The following ATP11B variants were observed in gnomAD, a reference collection of about 807,000 sequenced individuals.
The protein encoded by ATP11B is ATPase phospholipid transporting 11B (putative), also known as phospholipid-transporting ATPase IF.
A neutral mutation model predicts 157.8 loss-of-function variants in ATP11B; 81 were observed. That is an observed-to-expected ratio of 0.51 (90% confidence interval 0.43 to 0.62). The LOEUF is 0.62. Ranked by LOEUF, ATP11B falls within the 20% of genes least tolerant of loss-of-function variation. The pLI is 0.00. For missense variants in ATP11B, 1,165 were observed against 1,402.2 expected (o/e 0.83, Z 2.70); for synonymous variants, 451 against 469.4 (o/e 0.96, Z 0.51).
chr3:182,839,232 G>A (rs1718803934), intron 7 of ATP11B, among the ~76,000 whole-genome samples: 1 of 152,164 alleles, frequency 6.6e-6, no homozygotes, highest in South Asian at 2.1e-4. Flanking sequence ...GCTAACTGGT[G>A]AGAACACATG....
chr3:182,873,774 A>C (rs1721834892), intron 18 of ATP11B, 38 bp from the exon 19 acceptor site: 3 of 1,532,060 alleles, frequency 2.0e-6, no homozygotes, highest in Admixed American at 3.3e-5. Flanking sequence ...CAGTCATAAA[A>C]GTATTCTCTA....
intron 7 of ATP11B, among the ~76,000 whole-genome samples, chr3:182,838,982 A>G (rs763354971): frequency 5.6e-4 from 86 of 152,318 alleles, no homozygotes; most frequent in Non-Finnish European, 8.2e-4. Flanking sequence ...ATATGATCCC[A>G]GTTATGTAAA....
intron 29 of ATP11B, 40 bp from the exon 30 acceptor site, chr3:182,917,983 G>T (rs749710457): frequency 6.2e-7 from 1 of 1,604,478 alleles, no homozygotes; most frequent in South Asian, 1.1e-5. Flanking sequence ...TTAAAACATA[G>T]GTCCTGGTGA....
At chr3:182,837,265 A>C (rs1718628183) in intron 7 of ATP11B, 91 bp downstream of exon 7, 1 of 933,548 alleles carries the variant, frequency 1.1e-6, no homozygotes, top group Admixed American at 2.9e-5. Flanking sequence ...ATCTTTAGCT[A>C]ATTGGAGACT....
At chr3:182,872,749 A>G (rs968266183) in intron 18 of ATP11B, among the ~76,000 whole-genome samples, 6 of 152,216 alleles carry the variant, frequency 3.9e-5, no homozygotes, top group African/African-American at 1.2e-4. Flanking sequence ...CTAGCTCTCT[A>G]TAGTTTTTTC....
chr3:182,837,048 AC>A, intron 6 of ATP11B, 22 bp from the exon 7 acceptor site: 1 of 1,569,820 alleles, frequency 6.4e-7, no homozygotes, highest in Non-Finnish European at 8.7e-7. Context: ...TGAAAACTCT[AC>A]AGTTTAATTC....
At chr3:182,895,894 G>A (rs143707109) in intron 25 of ATP11B, among the ~76,000 whole-genome samples, 2 of 152,216 alleles carry the variant, frequency 1.3e-5, no homozygotes, top group East Asian at 1.9e-4. Context: ...AGCAAGATAC[G>A]ATAGGGCTCT....
At chr3:182,867,508 C>A in intron 15 of ATP11B, 64 bp downstream of exon 15, 1 of 1,092,202 alleles carries the variant, frequency 9.2e-7, no homozygotes, top group Non-Finnish European at 1.4e-6. Flanking sequence ...GAATAAGGAT[C>A]AGTAAACTGT....
chr3:182,912,822 G>C (rs1724884930), intron 28 of ATP11B, among the ~76,000 whole-genome samples: 1 of 152,116 alleles, frequency 6.6e-6, no homozygotes. Context: ...GTGCAGCCCT[G>C]TATTTATTCT....
intron 29 of ATP11B, chr3:182,914,858 T>C: frequency 1.0e-6 from 1 of 985,398 alleles, no homozygotes; most frequent in Non-Finnish European, 1.2e-6. Context: ...TGGTGTTCTT[T>C]AGGTGAATGA....
intron 21 of ATP11B, among the ~76,000 whole-genome samples, chr3:182,882,846 T>G (rs1042547167): frequency 6.6e-6 from 1 of 152,146 alleles, no homozygotes; most frequent in African/African-American, 2.4e-5. Flanking sequence ...AAGAAAAACG[T>G]TCCAGTAGAA....
chr3:182,864,568 T>C (rs1379229865), intron 12 of ATP11B, among the ~76,000 whole-genome samples: 1 of 152,130 alleles, frequency 6.6e-6, no homozygotes, highest in African/African-American at 2.4e-5. Flanking sequence ...ATTACATTAA[T>C]TTTTTTAAGT....
At chr3:182,917,639 G>C (rs1230918329) in intron 29 of ATP11B, 1 of 985,212 alleles carries the variant, frequency 1.0e-6, no homozygotes, top group Non-Finnish European at 1.2e-6. Flanking sequence ...AAAGCCTTTG[G>C]TAAGTGGGAT....
At chr3:182,876,748 T>C (rs1722069995) in intron 19 of ATP11B, among the ~76,000 whole-genome samples, 1 of 152,226 alleles carries the variant, frequency 6.6e-6, no homozygotes, top group African/African-American at 2.4e-5. Flanking sequence ...AATCCATTCA[T>C]GAAGGCAAAG....
intron 1 of ATP11B, among the ~76,000 whole-genome samples, chr3:182,797,230 C>T (rs960163828): frequency 2.6e-5 from 4 of 152,146 alleles, no homozygotes; most frequent in African/African-American, 7.2e-5. Flanking sequence ...TTTCTCTTAA[C>T]TTGTGAACAT....
chr3:182,879,700 ATAT>A, intron 20 of ATP11B, 51 bp downstream of exon 20: 1 of 1,493,120 alleles, frequency 6.7e-7, no homozygotes. Context: ...AGATATAAAC[ATAT>A]TATTTAAAGT....
intron 7 of ATP11B, among the ~76,000 whole-genome samples, chr3:182,838,039 C>T (rs1283525890): frequency 2.0e-5 from 3 of 151,966 alleles, no homozygotes; most frequent in African/African-American, 7.2e-5. Flanking sequence ...ATATATCTCC[C>T]CCTGTTGGTT....
chr3:182,896,453 C>T (rs1723554437), intron 25 of ATP11B, among the ~76,000 whole-genome samples: 1 of 152,214 alleles, frequency 6.6e-6, no homozygotes, highest in South Asian at 2.1e-4. Flanking sequence ...CCACACCATT[C>T]TAAACCCATC....
chr3:182,896,960 A>C (rs974128466), intron 26 of ATP11B, among the ~76,000 whole-genome samples, 195 bp downstream of exon 26: 3 of 152,134 alleles, frequency 2.0e-5, no homozygotes, highest in African/African-American at 7.2e-5. Flanking sequence ...GGGAAGCCTC[A>C]GCTGATATTT....
Sources: gnomAD v4.1 joint callset for allele counts (sites outside exome capture counted in the v4.1 genomes callset) on GRCh38, gnomAD v4.1.1 for gene constraint, MANE v1.5 for transcripts, NCBI Gene and HGNC (gene_info 2026-07-23, HGNC 2026-07-21) for gene names.